The following ABCB10 variants were observed in gnomAD, a reference collection of about 807,000 sequenced individuals.
The protein encoded by ABCB10 is ATP binding cassette subfamily B member 10, also known as ATP-binding cassette sub-family B member 10, mitochondrial.
Under a neutral mutation model 65.4 loss-of-function variants are expected in ABCB10, and 54 were observed. That is an observed-to-expected ratio of 0.83 (90% CI 0.66 to 1.04). The LOEUF is 1.04. ABCB10 is among the 50% of genes least tolerant of loss of function. The probability of loss-of-function intolerance (pLI) is 0.00; values close to 1 mark genes in which losing one functional copy is unlikely to be tolerated. For synonymous variants in ABCB10, 418 were observed against 406.5 expected, an observed-to-expected ratio of 1.03 and a Z score of -0.34; for missense variants, 846 against 976.6, an observed-to-expected ratio of 0.87 and a Z score of 1.78.
intron 6 of ABCB10, among the ~76,000 whole-genome samples, chr1:229,534,151 G>A (rs140116173): frequency 1.3e-5 from 2 of 152,136 alleles, no homozygotes; most frequent in South Asian, 4.1e-4. Context: ...AATATACAGA[G>A]AGCAAATAAG....
rs1161149832 is a variant in ABCB10, at chr1:229,540,624, C to T, written c.1185G>A (p.Arg395=). The T allele has an allele frequency of 1.9e-6, 3 of 1,611,486 alleles. No individual in the cohort carries two copies. The highest frequency in any genetic ancestry group is 2.5e-6 in the Non-Finnish European group (3 of 1,179,820). ...TACTTACTGCTCCAAAGAAACCAGC[C>T]CGGGCGAATGCCTCTTTCCTTGCTA... ...MQLARKEAFA[R]AGFFGATGLS... is the part of the protein sequence containing the mutation. Residue 395 remains arginine (R), a synonymous_variant, in exon 5 of 13, where the codon CGG becomes CGA. Transcript: ENST00000344517.
In ABCB10 at chr1:229,558,624, C is replaced by G. The variant is rs1004493820; in HGVS notation, c.29G>C (p.Arg10Pro). 2.2e-5 allele frequency: 31 copies of G among 1,409,772 alleles called. No individual in the cohort carries two copies. The African/African-American group carries it at 3.6e-4, about 16-fold the overall frequency. The allele number at this position is 1,409,772 out of a possible 1,614,324, so 87.3% of individuals were successfully genotyped here. Residue 10 changes from arginine (R) to proline (P), a missense_variant, in exon 1 of 13, where the codon CGG becomes CCG. Coordinates refer to ENST00000344517, the MANE Select transcript of ABCB10 (RefSeq NM_012089.3). ...GGCAGGGCTCGGTGGCTCGAGCAGC[C>G]GCAGCGGCCAGGCAGGGGGGCCTCG... MRGPPAWPL[R>P]LLEPPSPAEP...
chr1:229,542,625 A>G (rs1226241057), intron 3 of ABCB10, among the ~76,000 whole-genome samples: 1 of 151,186 alleles, frequency 6.6e-6, no homozygotes, highest in Non-Finnish European at 1.5e-5. Context: ...GAAATTGCTG[A>G]AGAAAGAATC....
intron 1 of ABCB10, 96 bp downstream of exon 1, chr1:229,558,040 G>T (rs1447987416): frequency 8.2e-7 from 1 of 1,212,610 alleles, no homozygotes; most frequent in Non-Finnish European, 1.0e-6. Flanking sequence ...GGTGACACGC[G>T]CTCTGCGGCC....
At chr1:229,533,375 C>T (rs1455637379) in intron 6 of ABCB10, among the ~76,000 whole-genome samples, 2 of 151,868 alleles carry the variant, frequency 1.3e-5, no homozygotes, top group Non-Finnish European at 2.9e-5. Context: ...GTACCCACCT[C>T]AGCCTCCCAA....
At chr1:229,531,500 C>A (rs1431330958) in intron 7 of ABCB10, 136 bp downstream of exon 7, 2 of 855,260 alleles carry the variant, frequency 2.3e-6, no homozygotes, top group Non-Finnish European at 1.9e-6. Context: ...CACCTCCTCA[C>A]CCGGCCCGCC....
At chr1:229,547,138 C>T (rs944183614) in intron 3 of ABCB10, among the ~76,000 whole-genome samples, 23 of 152,150 alleles carry the variant, frequency 1.5e-4, no homozygotes, top group African/African-American at 5.6e-4. Flanking sequence ...GTTCGACTTA[C>T]ACACACAGAG....
Position 229,525,967 on chromosome 1 carries a change from A to G in ABCB10, c.1875T>C (p.Thr625=). 1 of 1,614,018 alleles carries G rather than the reference A, an allele frequency of 6.2e-7. No homozygotes were observed. The highest frequency in any genetic ancestry group is 8.5e-7 in the Non-Finnish European group (1 of 1,179,954). The change falls in exon 10 of 13, where the codon ACT becomes ACC. Residue 625 remains threonine (T), a synonymous_variant. Coordinates refer to ENST00000344517, the MANE Select transcript of ABCB10 (RefSeq NM_012089.3). The stretch of plus-strand genomic sequence containing the variant: ...GGAGAACACCCTTTTCTCCAACCAC[A>G]GTGTTGAACCCTTGGGGGAAATTCC... ...FIRNFPQGFN[T]VVGEKGVLLS...
chr1:229,542,248 G>C lies in ABCB10; in HGVS notation c.1045C>G (p.Gln349Glu). ...GAAGGGGCCTTTACCTGAGTGGCTT[G>C]TGCCAGGGAATCCTGAGTGACTTTG... The part of the protein sequence containing the change: ...LTKVTQDSLA[Q>E]ATQLAEERIG... Residue 349 changes from glutamine to glutamate, a missense_variant, in exon 4 of 13, where the codon CAA becomes GAA. This residue lies in a region of ABCB10 where 632 missense variants were observed against 803.2 expected (regional missense o/e 0.79). Coordinates refer to ENST00000344517, the MANE Select transcript of ABCB10 (RefSeq NM_012089.3). 1 of 1,613,620 alleles carries C rather than the reference G, an allele frequency of 6.2e-7. No homozygotes were observed. The highest frequency in any genetic ancestry group is 8.5e-7 in the Non-Finnish European group (1 of 1,179,884).
At chr1:229,529,050 G>A (rs1303918225) in intron 8 of ABCB10, among the ~76,000 whole-genome samples, 9 of 152,000 alleles carry the variant, frequency 5.9e-5, no homozygotes, top group Admixed American at 5.9e-4. Context: ...CCAGCACTCT[G>A]GGGGACTGAG....
In ABCB10 at chr1:229,526,642, A is replaced by T. The variant is rs1326885645; in HGVS notation, c.1726-526T>A. Among the ~76,000 whole-genome samples, 7 of 152,170 alleles carry T rather than the reference A, an allele frequency of 4.6e-5. No individual in the cohort carries two copies. In the East Asian group the frequency reaches 1.2e-3, roughly 25 times the overall value. On this transcript the variant is annotated intron_variant, in intron 9 of 12. Transcript: ENST00000344517. ...GAGAGGATGAGCTAATCACAAAGAG[A>T]GGTTCAGAAATGGGGGGAGGCTCAG...
At chr1:229,529,325 A>AAAAAAAAAAAAAC (rs1662522297) in intron 8 of ABCB10, among the ~76,000 whole-genome samples, 1 of 137,642 alleles carries the variant, frequency 7.3e-6, no homozygotes, top group Non-Finnish European at 1.6e-5. Flanking sequence ...AAAAAAAAAA[A>AAAAAAAAAAAAAC]AAAAGAAAAT....
At position 229,517,582 on chromosome 1, in the gene ABCB10, A is replaced by G. The variant is rs1662204870; in HGVS notation, c.*597T>C. 6.6e-6 allele frequency: 1 copy of G among 152,294 alleles called. No homozygotes were observed. The highest frequency in any genetic ancestry group is 1.5e-5 in the Non-Finnish European group (1 of 68,078). 9.4% of individuals were successfully genotyped at this position (152,294 alleles called of 1,614,324 possible). A position where few individuals can be genotyped will look rare whatever the true frequency, so the allele number is the denominator to read the frequency against. ...GCACATATTCAAACATAGTTCCCATAGGAACACATATTCCTCAGCTCTCAC... is the reference window on the plus strand; with the variant it reads ...GCACATATTCAAACATAGTTCCCATGGGAACACATATTCCTCAGCTCTCAC... On this transcript the variant is annotated 3_prime_UTR_variant, in exon 13 of 13. Transcript: ENST00000344517.
chr1:229,535,038 T>TAAAAAAAAAAAAAAAAAAAAAAAA (rs71173739), intron 6 of ABCB10: 1 of 47,476 alleles, frequency 2.1e-5, no homozygotes, highest in African/African-American at 7.6e-5. Flanking sequence ...AGACTCCCTT[T>TAAAAAAAAAAAAAAAAAAAAAAAA]AAAAAAAAAA....
At chr1:229,531,504 G>T in intron 7 of ABCB10, 132 bp downstream of exon 7, 1 of 873,646 alleles carries the variant, frequency 1.1e-6, no homozygotes, top group Non-Finnish European at 1.8e-6. Context: ...TCCTCACCCG[G>T]CCCGCCATGC....
intron 11 of ABCB10, among the ~76,000 whole-genome samples, chr1:229,520,120 A>G (rs1460758405): frequency 6.8e-6 from 1 of 146,516 alleles, no homozygotes; most frequent in Non-Finnish European, 1.5e-5. Flanking sequence ...GGGTGACAGA[A>G]TGAGACCGTC....
chr1:229,540,661 T>C lies in ABCB10; in HGVS notation c.1148A>G (p.His383Arg). ...EIEKYASKVD[H>R]VMQLARKEAF... Reference sequence around the variant, plus strand: ...CTCTTTCCTTGCTAACTGCATTACATGGTCCACTTTGCTGGCATATTTCTC... The same window carrying C: ...CTCTTTCCTTGCTAACTGCATTACACGGTCCACTTTGCTGGCATATTTCTC... Residue 383 changes from histidine (H) to arginine (R), a missense_variant, in exon 5 of 13, where the codon CAT becomes CGT. This residue lies in a region of ABCB10 where 632 missense variants were observed against 803.2 expected (regional missense o/e 0.79). Coordinates refer to ENST00000344517, the MANE Select transcript of ABCB10 (RefSeq NM_012089.3). 1.2e-6 allele frequency: 2 copies of C among 1,612,794 alleles called. No individual in the cohort carries two copies. The highest frequency in any genetic ancestry group is 1.7e-6 in the Non-Finnish European group (2 of 1,180,030).
At chr1:229,526,965 T>C (rs1662459790) in intron 9 of ABCB10, among the ~76,000 whole-genome samples, 1 of 151,928 alleles carries the variant, frequency 6.6e-6, no homozygotes, top group African/African-American at 2.4e-5. Flanking sequence ...TATCATTTCC[T>C]CCCCATCCTC....
At position 229,516,898 on chromosome 1, in the gene ABCB10, CT is replaced by C. The variant is rs1320903044; in HGVS notation, c.*1280del. The C allele has an allele frequency of 6.6e-6, 1 of 152,140 alleles. No homozygotes were observed. 9.4% of individuals were successfully genotyped at this position (152,140 alleles called of 1,614,324 possible). A position where few individuals can be genotyped will look rare whatever the true frequency, so the allele number is the denominator to read the frequency against. On this transcript the variant is annotated 3_prime_UTR_variant, in exon 13 of 13. Transcript: ENST00000344517. The stretch of plus-strand genomic sequence containing the variant: ...GAACAATAAAATATAATATTCCATG[CT>C]TTTCATGAAATAGTGGTTTCTTCTT...
Sources: gnomAD v4.1 joint callset for allele counts (sites outside exome capture counted in the v4.1 genomes callset) on GRCh38, gnomAD v4.1.1 for gene constraint, gnomAD v4.1.1 regional missense constraint, MANE v1.5 for transcripts, NCBI Gene and HGNC (gene_info 2026-07-23, HGNC 2026-07-21) for gene names.